The following C8A variants were observed in gnomAD, a reference collection of about 807,000 sequenced individuals.
C8A encodes the protein complement C8 alpha chain.
C8A carries 67 observed loss-of-function variants against 65.3 expected under a neutral mutation model. The ratio of observed to expected loss-of-function variants is 1.03; its 90% CI spans 0.84 to 1.26. The LOEUF is 1.26. Among genes scored for constraint, C8A ranks in the 50% most tolerant of loss-of-function variants. C8A has a pLI of 0.00. For missense variants in C8A, 781 were observed against 723.9 expected (o/e 1.08, Z -0.90); for synonymous variants, 290 against 259.4 (o/e 1.12, Z -1.13).
intron 3 of C8A, 73 bp from the exon 4 acceptor site, chr1:56,875,989 G>A (rs574178881): frequency 4.5e-6 from 7 of 1,557,544 alleles, no homozygotes; most frequent in Admixed American, 3.7e-5. Context: ...AGGAAGAAAG[G>A]ACTTACTGAT....
At chr1:56,874,615 T>C (rs1293734755) in intron 2 of C8A, among the ~76,000 whole-genome samples, 1 of 152,172 alleles carries the variant, frequency 6.6e-6, no homozygotes, top group Non-Finnish European at 1.5e-5. Context: ...AGCGAGCAAC[T>C]TGAAGAATGT....
rs1244600918 is a variant in C8A at position 56,883,531 on chromosome 1, C to T, written c.705C>T (p.Asp235=). 4.3e-6 allele frequency: 7 copies of T among 1,613,684 alleles called. No individual in the cohort carries two copies. The highest frequency in any genetic ancestry group is 5.1e-6 in the Non-Finnish European group (6 of 1,179,872). ...ISSEFYDNAN[D]LLSKVKKDKS... is the part of the protein sequence containing the mutation. ...CAGAGTTTTATGATAATGCAAATGACCTTCTTTCCAAAGTTAAAAAAGACA... is the reference window on the plus strand; with the variant it reads ...CAGAGTTTTATGATAATGCAAATGATCTTCTTTCCAAAGTTAAAAAAGACA... The change falls in exon 6 of 11, where the codon GAC becomes GAT. Residue 235 remains aspartate, a synonymous_variant. Transcript: ENST00000361249.
At chr1:56,888,341 A>T (rs796557982) in intron 7 of C8A, among the ~76,000 whole-genome samples, 5 of 150,952 alleles carry the variant, frequency 3.3e-5, no homozygotes, top group African/African-American at 1.2e-4. Flanking sequence ...ATATTCATTT[A>T]AAAAAAATTC....
intron 2 of C8A, among the ~76,000 whole-genome samples, chr1:56,870,929 A>T (rs1464132909): frequency 6.6e-6 from 1 of 152,156 alleles, no homozygotes; most frequent in African/African-American, 2.4e-5. Flanking sequence ...CAGTTAGAAA[A>T]GAAAATTATG....
At chr1:56,893,413 G>A (rs1359942889) in intron 7 of C8A, among the ~76,000 whole-genome samples, 1 of 152,118 alleles carries the variant, frequency 6.6e-6, no homozygotes, top group African/African-American at 2.4e-5. Context: ...ACATCTGGGT[G>A]GGGCTCTTGG....
chr1:56,867,133 G>A (rs1644096905), intron 1 of C8A, among the ~76,000 whole-genome samples: 1 of 152,108 alleles, frequency 6.6e-6, no homozygotes, highest in African/African-American at 2.4e-5. Flanking sequence ...CCTTTCATAA[G>A]CATTTCAATA....
intron 7 of C8A, among the ~76,000 whole-genome samples, chr1:56,894,087 T>C (rs1200595081): frequency 6.6e-6 from 1 of 152,130 alleles, no homozygotes; most frequent in Non-Finnish European, 1.5e-5. Context: ...TTTATTATTC[T>C]CAAATTACAG....
Position 56,881,498 on chromosome 1 carries a change from A to T in C8A, c.518A>T (p.Tyr173Phe), listed in dbSNP as rs142909304. 9.3e-5 allele frequency: 150 copies of T among 1,613,660 alleles called. No homozygotes were observed. Among genetic ancestry groups the T allele is most frequent in the Non-Finnish European group, 9.2e-5 (109 of 1,179,774 alleles). ...DAQSVYDASY[Y>F]GGQCETVYNG... ...CAGAGTGTGTACGATGCCAGTTATT[A>T]TGGGGGCCAGTGTGAGACGGTATAC... The change falls in exon 5 of 11, where the codon TAT becomes TTT. Residue 173 changes from tyrosine to phenylalanine, a missense_variant. By Grantham distance (22) the Tyr-to-Phe change is conservative. Transcript: ENST00000361249.
intron 10 of C8A, 140 bp downstream of exon 10, chr1:56,912,765 T>A (rs1349120603): frequency 4.1e-6 from 3 of 735,520 alleles, no homozygotes; most frequent in African/African-American, 1.8e-5. Flanking sequence ...AGAGTTCTGT[T>A]ACTCACCCAT....
intron 6 of C8A, among the ~76,000 whole-genome samples, chr1:56,884,759 A>G (rs1018285716): frequency 2.0e-5 from 3 of 151,946 alleles, no homozygotes; most frequent in Non-Finnish European, 4.4e-5. Context: ...GCTATCTCTT[A>G]TTTTTTTATA....
At chr1:56,871,133 TC>T (rs1644143577) in intron 2 of C8A, among the ~76,000 whole-genome samples, 1 of 152,220 alleles carries the variant, frequency 6.6e-6, no homozygotes, top group Non-Finnish European at 1.5e-5. Context: ...ATGGCAATAG[TC>T]ACCATTTATT....
chr1:56,875,492 T>G (rs1049622993), intron 3 of C8A, among the ~76,000 whole-genome samples: 10 of 152,164 alleles, frequency 6.6e-5, no homozygotes, highest in Non-Finnish European at 1.5e-5. Flanking sequence ...GTGATAGCCA[T>G]GGGCACATGC....
rs1304606944 is a variant in C8A at position 56,877,233 on chromosome 1, T to C, written c.464+1024T>C. 2.6e-5 allele frequency among the ~76,000 whole-genome samples: 4 copies of C among 152,276 alleles called. No individual in the cohort carries two copies. The South Asian group carries it at 8.3e-4, about 32-fold the overall frequency. ...AGAACCATGAGAAAATAAACTTCTG[T>C]TGTGTAGGGCACCTAGTCTATGGTA... is the stretch of plus-strand genomic sequence containing the variant. On this transcript the variant is annotated intron_variant, in intron 4 of 10. Coordinates refer to ENST00000361249, the MANE Select transcript of C8A (RefSeq NM_000562.3).
intron 7 of C8A, among the ~76,000 whole-genome samples, chr1:56,900,720 C>T (rs946179603): frequency 3.9e-5 from 6 of 152,144 alleles, no homozygotes; most frequent in East Asian, 1.9e-4. Flanking sequence ...ACTCCTAGAA[C>T]GTTTTAGAGG....
At chr1:56,911,405 T>C (rs1644505051) in intron 9 of C8A, among the ~76,000 whole-genome samples, 2 of 152,222 alleles carry the variant, frequency 1.3e-5, no homozygotes, top group African/African-American at 4.8e-5. Context: ...GTGTGTCATG[T>C]GCCAAAGATC....
intron 10 of C8A, among the ~76,000 whole-genome samples, chr1:56,915,331 G>T (rs557692697): frequency 6.6e-6 from 1 of 152,124 alleles, no homozygotes; most frequent in Non-Finnish European, 1.5e-5. Context: ...AAACCAAGGA[G>T]ACCAACTCCC....
intron 10 of C8A, 82 bp downstream of exon 10, chr1:56,912,707 G>A: frequency 1.5e-6 from 2 of 1,306,664 alleles, no homozygotes; most frequent in Admixed American, 1.9e-5. Context: ...GGGGTTCCCG[G>A]CCCCTCCTTT....
At chr1:56,917,048 T>A (rs1644558343) in intron 10 of C8A, among the ~76,000 whole-genome samples, 1 of 126,688 alleles carries the variant, frequency 7.9e-6, no homozygotes, top group South Asian at 2.4e-4. Flanking sequence ...ATTGACTCTG[T>A]GTCATTCTTC....
intron 1 of C8A, among the ~76,000 whole-genome samples, chr1:56,867,195 G>A (rs1395218420): frequency 6.6e-6 from 1 of 151,912 alleles, no homozygotes; most frequent in African/African-American, 2.4e-5. Flanking sequence ...TTTATAGATG[G>A]GAAAGCTGTA....
Sources: allele counts gnomAD v4.1 joint callset (sites outside exome capture counted in the v4.1 genomes callset), GRCh38; gene constraint gnomAD v4.1.1; transcripts MANE v1.5; gene names NCBI Gene and HGNC (gene_info 2026-07-23, HGNC 2026-07-21).